Variants in TAF5L observed in about 807,000 individuals in gnomAD.
TAF5L encodes the protein TAF5-like RNA polymerase II p300/CBP-associated factor-associated factor 65 kDa subunit 5L.
A neutral mutation model predicts 51.3 loss-of-function variants in TAF5L; 7 were observed. The ratio of observed to expected loss-of-function variants is 0.14; its 90% CI spans 0.08 to 0.26. The LOEUF (loss-of-function observed/expected upper bound fraction) is 0.26, where lower values mean the gene tolerates loss of function less well. TAF5L is among the 10% of genes least tolerant of loss of function. TAF5L has a pLI of 1.00. For synonymous variants in TAF5L, 291 were observed against 308.1 expected (o/e 0.94, Z 0.58); for missense variants, 575 against 758.9 (o/e 0.76, Z 2.85).
At position 229,603,616 on chromosome 1, in the gene TAF5L, A is replaced by C. The variant is rs75029252; in HGVS notation, c.248-697T>G. Among the ~76,000 whole-genome samples, 1,143 of 152,374 alleles carry C rather than the reference A, an allele frequency of 7.5e-3. 12 individuals are homozygous for C. The highest frequency in any genetic ancestry group is 0.026 in the African/African-American group (1,083 of 41,596). On this transcript the variant is annotated intron_variant, in intron 3 of 4. Coordinates refer to ENST00000258281, the Ensembl canonical transcript of TAF5L. Reference sequence around the variant, plus strand: ...TTCATTCTGATTTTGTTGGTTAACAAGTTAAATTCTCTTTTGCAGTGATAA... The same window carrying C: ...TTCATTCTGATTTTGTTGGTTAACACGTTAAATTCTCTTTTGCAGTGATAA...
chr1:229,605,551 G>A (rs559419612), intron 3 of TAF5L, among the ~76,000 whole-genome samples: 57 of 152,046 alleles, frequency 3.7e-4, no homozygotes, highest in Non-Finnish European at 7.2e-4. Flanking sequence ...GTCAAACTGT[G>A]GGGGGGCCCA....
At chr1:229,595,050 C>T (rs777097734) in exon 5 of TAF5L, 2 of 1,612,296 alleles carry the variant, frequency 1.2e-6, no homozygotes, top group Admixed American at 1.7e-5. Flanking sequence ...CGCAGTGGCC[C>T]CGCAGTATCT....
At chr1:229,610,049 T>C in intron 3 of TAF5L, 57 bp downstream of exon 3, 4 of 1,479,706 alleles carry the variant, frequency 2.7e-6, no homozygotes, top group Non-Finnish European at 3.8e-6. Context: ...GTGCCCAAAG[T>C]TGGTCTGTAT....
intron 1 of TAF5L, among the ~76,000 whole-genome samples, chr1:229,624,598 C>G (rs891136004): frequency 1.8e-5 from 2 of 111,780 alleles, no homozygotes; most frequent in Non-Finnish European, 3.8e-5. Flanking sequence ...CACCCTGTCT[C>G]TTAAAGATAA....
intron 1 of TAF5L, among the ~76,000 whole-genome samples, chr1:229,620,984 C>T (rs4925502): frequency 0.042 from 5,976 of 143,970 alleles, 161 homozygotes; most frequent in Admixed American, 0.068. Context: ...GTGTGTGTGT[C>T]TCAAAGTGGA....
At chr1:229,615,813 A>G (rs918219792) in intron 1 of TAF5L, among the ~76,000 whole-genome samples, 1 of 152,134 alleles carries the variant, frequency 6.6e-6, no homozygotes, top group Non-Finnish European at 1.5e-5. Context: ...CCAGGACCAA[A>G]ATATTGTGTC....
chr1:229,597,200 G>A (rs2102737339), intron 4 of TAF5L, among the ~76,000 whole-genome samples: 1 of 152,338 alleles, frequency 6.6e-6, no homozygotes, highest in East Asian at 1.9e-4. Flanking sequence ...CAAAGATCCT[G>A]TGAAAGTTAA....
intron 1 of TAF5L, among the ~76,000 whole-genome samples, chr1:229,623,204 G>A (rs1665288685): frequency 6.6e-6 from 1 of 152,246 alleles, no homozygotes; most frequent in African/African-American, 2.4e-5. Context: ...AACCCGGAAG[G>A]CGGAGGTTGC....
chr1:229,602,342 T>C lies in TAF5L; in HGVS notation c.825A>G (p.Glu275=). 2 of 1,614,126 alleles carry C rather than the reference T, an allele frequency of 1.2e-6. No individual in the cohort carries two copies. The highest frequency in any genetic ancestry group is 1.3e-5 in the African/African-American group (1 of 75,024). The change falls in exon 4 of 5, where the codon GAA becomes GAG. Residue 275 remains glutamate, a synonymous_variant. Transcript: ENST00000258281. This position sits in a 1 kb window ranked among gnomAD's most constrained non-coding sequence, Gnocchi z 4.6. ...CAAGCAGCTTGCTATCGGGGGAGATTTCTGCAGTGTTCAACAGCTGCTCTG... is the reference window on the plus strand; with the variant it reads ...CAAGCAGCTTGCTATCGGGGGAGATCTCTGCAGTGTTCAACAGCTGCTCTG...
chr1:229,600,247 A>T (rs1664321698), intron 4 of TAF5L: 1 of 985,294 alleles, frequency 1.0e-6, no homozygotes, highest in Non-Finnish European at 1.2e-6. Context: ...CTGTGATAAA[A>T]TGGGCGGGCA....
At chr1:229,595,706 C>T (rs1246441028) in intron 4 of TAF5L, among the ~76,000 whole-genome samples, 1 of 152,024 alleles carries the variant, frequency 6.6e-6, no homozygotes, top group African/African-American at 2.4e-5. Flanking sequence ...GCTCTTGTTG[C>T]CCAGGCTGGA....
At chr1:229,614,627 C>T in intron 1 of TAF5L, 142 bp from the exon 2 acceptor site, 1 of 959,098 alleles carries the variant, frequency 1.0e-6, no homozygotes, top group African/African-American at 1.6e-5. Flanking sequence ...AGACGCAAAT[C>T]TAAGTTCCCT....
intron 4 of TAF5L, among the ~76,000 whole-genome samples, chr1:229,596,445 A>G (rs1664129808): frequency 6.6e-6 from 1 of 152,228 alleles, no homozygotes; most frequent in Non-Finnish European, 1.5e-5. Flanking sequence ...TTAGTGTTTC[A>G]AAATAAATAA....
intron 1 of TAF5L, among the ~76,000 whole-genome samples, chr1:229,620,615 C>A (rs1665166175): frequency 6.6e-6 from 1 of 152,162 alleles, no homozygotes; most frequent in East Asian, 1.9e-4. Flanking sequence ...TGCTATCTAG[C>A]TTCTTGGAAT....
chr1:229,606,733 G>T, intron 3 of TAF5L: 1 of 985,352 alleles, frequency 1.0e-6, no homozygotes, highest in Non-Finnish European at 1.2e-6. Context: ...TTGCATCCAT[G>T]ATCATGTTTA....
chr1:229,599,558 T>C (rs1664285216), intron 4 of TAF5L: 1 of 156,740 alleles, frequency 6.4e-6, no homozygotes, highest in East Asian at 1.9e-4. Context: ...ATGACTGGCT[T>C]CTTTCACGTA....
intron 3 of TAF5L, 117 bp downstream of exon 3, chr1:229,609,989 A>T (rs2102756081): frequency 6.5e-6 from 5 of 774,786 alleles, no homozygotes; most frequent in Admixed American, 2.9e-5. Flanking sequence ...TCTATTTTTT[A>T]ATTTTTCTTT....
intron 4 of TAF5L, among the ~76,000 whole-genome samples, chr1:229,595,671 AT>A (rs755935720): frequency 0.015 from 2,256 of 148,660 alleles, 27 homozygotes; most frequent in Middle Eastern, 0.036. Context: ...TCACTTCAAG[AT>A]TTTTTTTTTT....
intron 4 of TAF5L, chr1:229,599,909 G>A: frequency 1.0e-6 from 1 of 985,430 alleles, no homozygotes; most frequent in African/African-American, 1.7e-5. Context: ...AGTGCAAGCT[G>A]GCTTTTTAAT....
Sources: gnomAD v4.1 joint callset for allele counts (sites outside exome capture counted in the v4.1 genomes callset) on GRCh38, gnomAD v4.1.1 for gene constraint, Gnocchi (gnomAD v3.1) non-coding constraint, MANE v1.5 for transcripts, NCBI Gene and HGNC (gene_info 2026-07-23, HGNC 2026-07-21) for gene names.